Variants in FRMPD3 observed in about 807,000 individuals in gnomAD.
The protein encoded by FRMPD3 is FERM and PDZ domain containing 3.
A neutral mutation model predicts 97.9 loss-of-function variants in FRMPD3; 42 were observed. The observed-to-expected ratio is 0.43, with a 90% CI of 0.34 to 0.55. The LOEUF is 0.55. Ranked by LOEUF, FRMPD3 falls within the 20% of genes least tolerant of loss-of-function variation. FRMPD3 has a pLI of 0.03. For missense variants in FRMPD3, 1,303 were observed against 1,457.7 expected (o/e 0.89, Z 1.73); for synonymous variants, 577 against 581.1 (o/e 0.99, Z 0.10).
chrX:107,538,308 C>T (rs764330575), intron 4 of FRMPD3, among the ~76,000 whole-genome samples: 1 of 110,434 alleles, frequency 9.1e-6, no homozygotes, highest in Non-Finnish European at 1.9e-5. Flanking sequence ...GACAGATCTT[C>T]TCTCTTTAGC....
At chrX:107,534,677 A>G (rs1295812903) in intron 4 of FRMPD3, among the ~76,000 whole-genome samples, 2 of 111,054 alleles carry the variant, frequency 1.8e-5, no homozygotes, top group South Asian at 7.7e-4. Flanking sequence ...TCACACACTC[A>G]TACACTCACA....
intron 13 of FRMPD3, among the ~76,000 whole-genome samples, chrX:107,586,721 A>G (rs1482137260): frequency 8.9e-6 from 1 of 111,972 alleles, no homozygotes; most frequent in Admixed American, 9.5e-5. Context: ...GGAGTCACTC[A>G]GGAGCAGGTT....
At chrX:107,518,295 G>A (rs1475181253) in intron 1 of FRMPD3, among the ~76,000 whole-genome samples, 1 of 111,800 alleles carries the variant, frequency 8.9e-6, no homozygotes. Context: ...ATCATGACGC[G>A]TTCAGATGCT....
chrX:107,477,476 T>C (rs1921231147), intron 1 of FRMPD3, among the ~76,000 whole-genome samples: 1 of 112,742 alleles, frequency 8.9e-6, no homozygotes, highest in East Asian at 2.8e-4. Flanking sequence ...GAAGCAAGTC[T>C]GGGTAATGAT....
intron 1 of FRMPD3, among the ~76,000 whole-genome samples, chrX:107,516,324 C>T (rs1036064052): frequency 4.5e-5 from 5 of 110,389 alleles, no homozygotes; most frequent in African/African-American, 1.6e-4. Context: ...TGAATAGTGC[C>T]GCAATAAACA....
chrX:107,494,551 G>A (rs1187031948), intron 1 of FRMPD3, among the ~76,000 whole-genome samples: 1 of 111,891 alleles, frequency 8.9e-6, no homozygotes, highest in Non-Finnish European at 1.9e-5. Flanking sequence ...GGCTTTTCGG[G>A]GGACTGAAGG....
chrX:107,516,452 C>T (rs1734812926), intron 1 of FRMPD3, among the ~76,000 whole-genome samples: 1 of 111,653 alleles, frequency 9.0e-6, no homozygotes, highest in Non-Finnish European at 1.9e-5. Context: ...AATCGCCACA[C>T]TGACTTCCAC....
intron 1 of FRMPD3, among the ~76,000 whole-genome samples, chrX:107,455,613 T>TA (rs1310847327): frequency 2.7e-5 from 3 of 111,581 alleles, no homozygotes; most frequent in African/African-American, 9.8e-5. Flanking sequence ...TCTTTTTTTT[T>TA]AATTTTTTTA....
At chrX:107,467,323 G>A (rs747565777) in intron 1 of FRMPD3, among the ~76,000 whole-genome samples, 4 of 110,724 alleles carry the variant, frequency 3.6e-5, no homozygotes, top group African/African-American at 9.9e-5. Context: ...GAGAGAGAGT[G>A]CAAGCACATG....
intron 1 of FRMPD3, among the ~76,000 whole-genome samples, chrX:107,485,746 A>G (rs1422181813): frequency 1.8e-5 from 2 of 111,625 alleles, no homozygotes; most frequent in Non-Finnish European, 3.8e-5. Context: ...TCATCCCCTT[A>G]AGCCAGGCCA....
chrX:107,460,243 A>G (rs183249144), intron 1 of FRMPD3, among the ~76,000 whole-genome samples: 1 of 111,629 alleles, frequency 9.0e-6, no homozygotes, highest in East Asian at 2.8e-4. Context: ...AGATCTCTCA[A>G]TTTGGAGATT....
At chrX:107,475,619 C>A (rs1464011581) in intron 1 of FRMPD3, among the ~76,000 whole-genome samples, 1 of 112,454 alleles carries the variant, frequency 8.9e-6, no homozygotes, top group Non-Finnish European at 1.9e-5. Flanking sequence ...AAGTATGAAA[C>A]CTCTTTCTTG....
At chrX:107,450,214 C>T (rs1370872372) in intron 1 of FRMPD3, among the ~76,000 whole-genome samples, 3 of 111,170 alleles carry the variant, frequency 2.7e-5, no homozygotes, top group Non-Finnish European at 5.7e-5. Flanking sequence ...TGCCCACTGC[C>T]CCGGCGAGTC....
In FRMPD3 at chrX:107,472,504, C is replaced by T. The variant is rs1921088238; in HGVS notation, c.-8+22499C>T. On this transcript the variant is annotated intron_variant, in intron 1 of 14. Coordinates refer to ENST00000683843, the MANE Select transcript of FRMPD3 (RefSeq NM_001388459.1). ...CAAGGTGGCCAACTAGAAGCAGTGGCGTTTGGAGGCTCCCATAAAAAAAAA... is the reference window on the plus strand; with the variant it reads ...CAAGGTGGCCAACTAGAAGCAGTGGTGTTTGGAGGCTCCCATAAAAAAAAA... Among the ~76,000 whole-genome samples the T allele has an allele frequency of 2.9e-5, 3 of 104,325 alleles. No individual in the cohort carries two copies. The South Asian group carries it at 1.3e-3, about 46-fold the overall frequency. The allele number at this position is 104,325 out of a possible 115,157, so 90.6% of individuals were successfully genotyped here.
chrX:107,522,195 G>A (rs977755116), intron 1 of FRMPD3, among the ~76,000 whole-genome samples: 2 of 111,199 alleles, frequency 1.8e-5, no homozygotes, highest in Non-Finnish European at 3.8e-5. Flanking sequence ...TGTGTGAAGC[G>A]GGTGAAGTTT....
At chrX:107,579,226 A>G (rs1372125428) in intron 13 of FRMPD3, among the ~76,000 whole-genome samples, 1 of 112,323 alleles carries the variant, frequency 8.9e-6, no homozygotes, top group East Asian at 2.8e-4. Flanking sequence ...CTTGTCCCAC[A>G]GCAGCTACTG....
intron 1 of FRMPD3, among the ~76,000 whole-genome samples, chrX:107,492,386 A>C (rs980812756): frequency 8.9e-6 from 1 of 111,895 alleles, no homozygotes; most frequent in Non-Finnish European, 1.9e-5. Flanking sequence ...CAGGTAGAGT[A>C]GTATTAGCTT....
intron 12 of FRMPD3, among the ~76,000 whole-genome samples, chrX:107,567,667 T>A (rs1922666614): frequency 9.0e-6 from 1 of 111,022 alleles, no homozygotes; most frequent in Non-Finnish European, 1.9e-5. Flanking sequence ...TTGAAGAGAT[T>A]GGGGGTGGGC....
At chrX:107,494,816 C>T (rs1253920853) in intron 1 of FRMPD3, among the ~76,000 whole-genome samples, 1 of 111,755 alleles carries the variant, frequency 8.9e-6, no homozygotes, top group Non-Finnish European at 1.9e-5. Context: ...TGTGGAACTC[C>T]CAATTGTACT....
Sources: allele counts gnomAD v4.1 joint callset (sites outside exome capture counted in the v4.1 genomes callset), GRCh38; gene constraint gnomAD v4.1.1; transcripts MANE v1.5; gene names NCBI Gene and HGNC (gene_info 2026-07-23, HGNC 2026-07-21).